TM9SF4: variants seen among roughly 807,000 people sequenced by gnomAD.
TM9SF4 encodes transmembrane 9 superfamily member 4.
In TM9SF4, 26 loss-of-function variants were observed where a neutral mutation model predicts 90.4. The observed-to-expected ratio is 0.29, with a 90% confidence interval of 0.21 to 0.40. The LOEUF is 0.40. Ranked by LOEUF, TM9SF4 falls within the 10% of genes least tolerant of loss-of-function variation. The pLI is 1.00. For missense variants in TM9SF4, 549 were observed against 834.8 expected, an observed-to-expected ratio of 0.66 and a Z score of 4.22; for synonymous variants, 293 against 315.4, an observed-to-expected ratio of 0.93 and a Z score of 0.75.
chr20:32,123,899 G>A (rs2046380449), intron 1 of TM9SF4, among the ~76,000 whole-genome samples: 1 of 101,342 alleles, frequency 9.9e-6, no homozygotes, highest in Non-Finnish European at 1.9e-5. Flanking sequence ...GTCTCCCTCT[G>A]TCATCTGTGC....
intron 6 of TM9SF4, 22 bp from the exon 7 acceptor site, chr20:32,145,069 A>C: frequency 6.2e-7 from 1 of 1,611,550 alleles, no homozygotes. Flanking sequence ...ACAGGAACAG[A>C]CTGAGTCTGT....
chr20:32,110,199 C>A (rs567905518), intron 1 of TM9SF4, among the ~76,000 whole-genome samples: 12 of 152,236 alleles, frequency 7.9e-5, no homozygotes, highest in Non-Finnish European at 1.3e-4. Context: ...CCTCTGACCA[C>A]CCTCCCAGCC....
rs1412587847 is a variant in TM9SF4, at chr20:32,109,826, C to A, written c.15+71C>A. 9.7e-6 allele frequency: 15 copies of A among 1,549,754 alleles called. No homozygotes were observed. The East Asian group carries it at 3.2e-4, about 33-fold the overall frequency. ...CGGGGTATCCCAGGATCTTCCAGCACCCCATGCCTGGCCCTGAGCCACCTC... is the reference window on the plus strand; with the variant it reads ...CGGGGTATCCCAGGATCTTCCAGCAACCCATGCCTGGCCCTGAGCCACCTC... On this transcript the variant is annotated intron_variant, in intron 1 of 17. Transcript: ENST00000398022.
chr20:32,163,606 ATTTTT>A (rs397866148), intron 17 of TM9SF4, among the ~76,000 whole-genome samples: 2 of 99,354 alleles, frequency 2.0e-5, no homozygotes. Flanking sequence ...TGTGCTAGGA[ATTTTT>A]TTTTTTTTTT....
chr20:32,149,999 C>T (rs1361147581), intron 10 of TM9SF4, among the ~76,000 whole-genome samples: 2 of 152,204 alleles, frequency 1.3e-5, no homozygotes, highest in Non-Finnish European at 1.5e-5. Context: ...ATGTCTCCTC[C>T]ATCAATGAGG....
chr20:32,154,879 C>T (rs948743564), intron 12 of TM9SF4, among the ~76,000 whole-genome samples: 4 of 152,116 alleles, frequency 2.6e-5, no homozygotes, highest in Non-Finnish European at 5.9e-5. Flanking sequence ...TATGTAATTA[C>T]GAACTGGGAT....
At chr20:32,165,239 G>T (rs1036654131) in intron 17 of TM9SF4, 56 bp from the exon 18 acceptor site, 2 of 1,603,274 alleles carry the variant, frequency 1.2e-6, no homozygotes, top group Non-Finnish European at 1.7e-6. Flanking sequence ...GCCCCAGTTC[G>T]CCATGCAGCC....
At chr20:32,131,481 A>AGTGTGTGTGTGT (rs10524812) in intron 1 of TM9SF4, among the ~76,000 whole-genome samples, 224 of 147,648 alleles carry the variant, frequency 1.5e-3, no homozygotes, top group African/African-American at 5.2e-3. Context: ...GAGTCATCAG[A>AGTGTGTGTGTGT]GTGTGTGTGT....
At chr20:32,132,425 A>G (rs990236494) in intron 1 of TM9SF4, among the ~76,000 whole-genome samples, 36 of 151,090 alleles carry the variant, frequency 2.4e-4, no homozygotes, top group African/African-American at 8.5e-4. Flanking sequence ...TGTGCCGTGC[A>G]GGTGCCTGTG....
In TM9SF4 at chr20:32,158,529, C is replaced by T. The variant is rs774442751; in HGVS notation, c.1569+15C>T. The T allele has an allele frequency of 3.1e-6, 5 of 1,613,736 alleles. No individual in the cohort carries two copies. The highest frequency in any genetic ancestry group is 3.3e-5 in the Admixed American group (2 of 60,022). ...TCATCTTCAGTGTGAGTACTGGTGC[C>T]TCCCCCACCCCTCCACCCATGCTAG... On this transcript the variant is annotated intron_variant, in intron 15 of 17. Coordinates refer to ENST00000398022, the MANE Select transcript of TM9SF4 (RefSeq NM_014742.4).
At chr20:32,141,467 T>G (rs770703729) in intron 3 of TM9SF4, 30 bp from the exon 4 acceptor site, 13 of 1,611,430 alleles carry the variant, frequency 8.1e-6, no homozygotes, top group Non-Finnish European at 1.0e-5. Context: ...GGGCTGAAGC[T>G]CTGAGCTTGA....
chr20:32,123,331 C>G (rs2046364311), intron 1 of TM9SF4, among the ~76,000 whole-genome samples: 1 of 151,160 alleles, frequency 6.6e-6, no homozygotes, highest in Non-Finnish European at 1.5e-5. Context: ...ATTACCCTCC[C>G]TAAAGACTGT....
intron 1 of TM9SF4, among the ~76,000 whole-genome samples, chr20:32,123,866 A>ATATATTTTTTTT: frequency 1.1e-5 from 1 of 93,976 alleles, no homozygotes; most frequent in African/African-American, 4.6e-5. Context: ...ATATATATAT[A>ATATATTTTTTTT]TTTTTTTTTT....
At chr20:32,109,988 C>T (rs1006145353) in intron 1 of TM9SF4, 2 of 1,414,880 alleles carry the variant, frequency 1.4e-6, no homozygotes, top group South Asian at 1.5e-5. Flanking sequence ...CGGAGGAAGA[C>T]CTCGGCTGCT....
chr20:32,123,198 AGGGGGGAGG>A (rs2046357810), intron 1 of TM9SF4, among the ~76,000 whole-genome samples: 1 of 782 alleles, frequency 1.3e-3, no homozygotes, highest in African/African-American at 3.4e-3. Context: ...GGAGAGGGGG[AGGGGGGAGG>A]GGGAGGGGGG....
rs1368085741 is a variant in TM9SF4 at position 32,133,315 on chromosome 20, GTC to G, written c.129+193_129+194del. Among the ~76,000 whole-genome samples the G allele has an allele frequency of 2.6e-5, 4 of 152,086 alleles. No individual in the cohort carries two copies. In the East Asian group the frequency reaches 5.8e-4, roughly 22 times the overall value. On this transcript the variant is annotated intron_variant, in intron 2 of 17. Coordinates refer to ENST00000398022, the MANE Select transcript of TM9SF4 (RefSeq NM_014742.4). ...CCTCTCTGTTTCTGGTTCTTTCTGT[GTC>G]TCTGTCCCTGTGTATGCTTGTGTAT...
At chr20:32,162,581 A>G (rs2047032994) in intron 17 of TM9SF4, among the ~76,000 whole-genome samples, 1 of 152,220 alleles carries the variant, frequency 6.6e-6, no homozygotes, top group African/African-American at 2.4e-5. Flanking sequence ...TAAAATATTT[A>G]CAATCTGGCC....
At chr20:32,132,413 GATGT>G (rs1184264776) in intron 1 of TM9SF4, among the ~76,000 whole-genome samples, 12 of 152,034 alleles carry the variant, frequency 7.9e-5, no homozygotes, top group Admixed American at 7.2e-4. Flanking sequence ...AAAGAAGAGA[GATGT>G]GCCGTGCAGG....
chr20:32,154,854 A>G (rs1057008762), intron 12 of TM9SF4, among the ~76,000 whole-genome samples: 54 of 152,202 alleles, frequency 3.5e-4, no homozygotes, highest in African/African-American at 1.3e-3. Context: ...GCGGATATTG[A>G]TCAGGTAGCC....
Sources: gnomAD v4.1 joint callset for allele counts (sites outside exome capture counted in the v4.1 genomes callset) on GRCh38, gnomAD v4.1.1 for gene constraint, MANE v1.5 for transcripts, NCBI Gene and HGNC (gene_info 2026-07-23, HGNC 2026-07-21) for gene names.